The following CCDC91 variants were observed in gnomAD, a reference collection of about 807,000 sequenced individuals.
CCDC91 encodes coiled-coil domain containing 91.
A neutral mutation model predicts 63.2 loss-of-function variants in CCDC91; 48 were observed. The ratio of observed to expected loss-of-function variants is 0.76; its 90% confidence interval spans 0.60 to 0.97. The LOEUF (loss-of-function observed/expected upper bound fraction) is 0.97. Ranked by LOEUF, CCDC91 falls within the 50% of genes least tolerant of loss-of-function variation. CCDC91 has a pLI of 0.00. For synonymous variants in CCDC91, 167 were observed against 165.8 expected, an observed-to-expected ratio of 1.01 and a Z score of -0.06; for missense variants, 500 against 494.6, an observed-to-expected ratio of 1.01 and a Z score of -0.10.
At chr12:28,192,581 G>T (rs1460657335) in intron 1 of CCDC91, among the ~76,000 whole-genome samples, 1 of 152,080 alleles carries the variant, frequency 6.6e-6, no homozygotes, top group Non-Finnish European at 1.5e-5. Context: ...AACTCTTGGT[G>T]TTTATGTATA....
At chr12:28,345,568 A>T (rs1393968715) in intron 6 of CCDC91, among the ~76,000 whole-genome samples, 1 of 152,112 alleles carries the variant, frequency 6.6e-6, no homozygotes, top group African/African-American at 2.4e-5. Flanking sequence ...TGTCTCAATT[A>T]AAACAAAAAA....
chr12:28,459,885 TAG>T (rs1009165685), intron 11 of CCDC91, among the ~76,000 whole-genome samples: 2 of 152,216 alleles, frequency 1.3e-5, no homozygotes, highest in African/African-American at 4.8e-5. Flanking sequence ...GAGAATGTCT[TAG>T]ACATTCATTT....
intron 8 of CCDC91, among the ~76,000 whole-genome samples, chr12:28,436,140 T>G (rs1184574007): frequency 1.3e-5 from 2 of 151,932 alleles, no homozygotes; most frequent in Non-Finnish European, 1.5e-5. Context: ...ATTCTTGTTT[T>G]CTGTTTGTTA....
At chr12:28,506,215 G>A (rs1938692330) in intron 12 of CCDC91, among the ~76,000 whole-genome samples, 3 of 151,954 alleles carry the variant, frequency 2.0e-5, no homozygotes, top group Admixed American at 2.0e-4. Flanking sequence ...AGGCATGATA[G>A]GAAGCTGTAT....
At chr12:28,256,966 C>A in intron 1 of CCDC91, 1 of 420,836 alleles carries the variant, frequency 2.4e-6, no homozygotes. Flanking sequence ...GAATATTTTT[C>A]CACTCCTGGC....
chr12:28,413,879 A>G (rs1342544178), intron 8 of CCDC91, among the ~76,000 whole-genome samples: 1 of 152,232 alleles, frequency 6.6e-6, no homozygotes, highest in East Asian at 1.9e-4. Flanking sequence ...GTGTTTACCA[A>G]TGATTTGTGA....
intron 11 of CCDC91, among the ~76,000 whole-genome samples, chr12:28,457,362 A>C (rs1401251706): frequency 2.0e-5 from 3 of 151,736 alleles, no homozygotes; most frequent in African/African-American, 7.3e-5. Context: ...GGTTTAGGTC[A>C]CTTCACAGCA....
intron 12 of CCDC91, among the ~76,000 whole-genome samples, chr12:28,507,805 C>T (rs916207302): frequency 6.6e-6 from 1 of 151,958 alleles, no homozygotes; most frequent in Non-Finnish European, 1.5e-5. Context: ...GCAAAAAATT[C>T]ATTAGGGAAT....
At chr12:28,432,115 T>G in intron 8 of CCDC91, among the ~76,000 whole-genome samples, 1 of 152,128 alleles carries the variant, frequency 6.6e-6, no homozygotes, top group East Asian at 1.9e-4. Flanking sequence ...CCAAGATACA[T>G]GTGCAGGATG....
chr12:28,420,758 T>G (rs1356702031), intron 8 of CCDC91, among the ~76,000 whole-genome samples: 3 of 124,294 alleles, frequency 2.4e-5, no homozygotes, highest in South Asian at 2.2e-4. Context: ...CATTTTATGG[T>G]TTTTTTTTTT....
chr12:28,201,402 A>G (rs76576282), intron 1 of CCDC91, among the ~76,000 whole-genome samples: 1 of 134,220 alleles, frequency 7.5e-6, no homozygotes, highest in Admixed American at 7.1e-5. Context: ...GCAGCGGGGC[A>G]GAGGCTCTCC....
At position 28,503,870 on chromosome 12, in the gene CCDC91, G is replaced by A. The variant is rs1384644735; in HGVS notation, c.1215+19705G>A. 4.0e-5 allele frequency among the ~76,000 whole-genome samples: 6 copies of A among 151,328 alleles called. No individual in the cohort carries two copies. In the Middle Eastern group the frequency reaches 0.01, roughly 257 times the overall value. ...AAACACCACATGTTCTCACTCATAG[G>A]TAGGAATTGAACAATGAGAACACAT... On this transcript the variant is annotated intron_variant, in intron 12 of 12. Coordinates refer to ENST00000536442, the MANE Select transcript of CCDC91 (RefSeq NM_018318.5).
At chr12:28,305,159 G>A (rs1592257770) in intron 3 of CCDC91, among the ~76,000 whole-genome samples, 1 of 151,980 alleles carries the variant, frequency 6.6e-6, no homozygotes. Context: ...TTAATTGGTT[G>A]ACTTGCCTAC....
chr12:28,423,700 G>A (rs1948143961), intron 8 of CCDC91, among the ~76,000 whole-genome samples: 1 of 152,044 alleles, frequency 6.6e-6, no homozygotes, highest in African/African-American at 2.4e-5. Context: ...GGATTTGGAG[G>A]AGCCAAACTC....
At chr12:28,304,391 A>G (rs1938449790) in intron 3 of CCDC91, among the ~76,000 whole-genome samples, 3 of 127,928 alleles carry the variant, frequency 2.3e-5, no homozygotes, top group African/African-American at 8.3e-5. Context: ...AAAAAAAAAA[A>G]AAAAAAAAAA....
chr12:28,227,203 T>C (rs890584706), intron 1 of CCDC91, among the ~76,000 whole-genome samples: 1 of 152,102 alleles, frequency 6.6e-6, no homozygotes, highest in African/African-American at 2.4e-5. Context: ...AGTTATTCTT[T>C]TTCTCTTATT....
Position 28,450,254 on chromosome 12 carries a change from G to A in CCDC91, c.855+1G>A. The A allele has an allele frequency of 1.9e-6, 3 of 1,599,658 alleles. No homozygotes were observed. The highest frequency in any genetic ancestry group is 1.1e-5 in the South Asian group (1 of 90,572). On this transcript the variant is annotated splice_donor_variant, in intron 9 of 12. Coordinates refer to ENST00000536442, the MANE Select transcript of CCDC91 (RefSeq NM_018318.5). LOFTEE classifies it high-confidence loss of function. ...GATTCAGCAATCTCAAGAACAGAAGGTAATACTTTAACTGTGCTCAGAGTG... is the reference window on the plus strand; with the variant it reads ...GATTCAGCAATCTCAAGAACAGAAGATAATACTTTAACTGTGCTCAGAGTG...
intron 6 of CCDC91, among the ~76,000 whole-genome samples, chr12:28,326,053 A>G (rs1940965741): frequency 6.6e-6 from 1 of 152,146 alleles, no homozygotes; most frequent in South Asian, 2.1e-4. Context: ...TAGTTGAGGC[A>G]TATATGCCTG....
At chr12:28,407,581 G>A (rs1947030733) in intron 8 of CCDC91, among the ~76,000 whole-genome samples, 2 of 151,956 alleles carry the variant, frequency 1.3e-5, no homozygotes, top group African/African-American at 4.8e-5. Context: ...GATATTTTAG[G>A]TTCTTTCCAT....
Sources: allele counts gnomAD v4.1 joint callset (sites outside exome capture counted in the v4.1 genomes callset), GRCh38; gene constraint gnomAD v4.1.1; transcripts MANE v1.5; gene names NCBI Gene and HGNC (gene_info 2026-07-23, HGNC 2026-07-21).